Variants in NECTIN3 observed in about 807,000 individuals in gnomAD.
NECTIN3 encodes the protein nectin cell adhesion molecule 3.
In NECTIN3, 8 loss-of-function variants were observed where a neutral mutation model predicts 49.4. That is an observed-to-expected ratio of 0.16 (90% CI 0.10 to 0.29). The LOEUF is 0.29. NECTIN3 is among the 10% of genes least tolerant of loss of function. NECTIN3 has a pLI of 1.00. For missense variants in NECTIN3, 581 were observed against 654.6 expected, an observed-to-expected ratio of 0.89 and a Z score of 1.23; for synonymous variants, 277 against 241.1, an observed-to-expected ratio of 1.15 and a Z score of -1.38.
chr3:111,175,785 G>T (rs752568920), intron 7 of NECTIN3, among the ~76,000 whole-genome samples: 38 of 152,156 alleles, frequency 2.5e-4, no homozygotes, highest in Non-Finnish European at 4.4e-4. Context: ...TCCCAAGGAG[G>T]TCTCCATAAG....
At chr3:111,077,934 TGAA>T (rs2031332567) in intron 1 of NECTIN3, among the ~76,000 whole-genome samples, 1 of 152,170 alleles carries the variant, frequency 6.6e-6, no homozygotes, top group African/African-American at 2.4e-5. Context: ...ATTTAAAAAG[TGAA>T]GAAGAAATAG....
chr3:111,091,144 G>A (rs1390870044), intron 1 of NECTIN3, among the ~76,000 whole-genome samples: 1 of 151,946 alleles, frequency 6.6e-6, no homozygotes, highest in East Asian at 1.9e-4. Context: ...TTACCTCACT[G>A]CTCCTAACAC....
intron 1 of NECTIN3, chr3:111,072,827 C>A: frequency 2.5e-6 from 1 of 404,624 alleles, no homozygotes; most frequent in African/African-American, 2.1e-5. Context: ...TACCAAACCG[C>A]AGGAACAAGA....
chr3:111,118,349 C>A (rs1357563816), intron 2 of NECTIN3, among the ~76,000 whole-genome samples: 1 of 144,394 alleles, frequency 6.9e-6, no homozygotes, highest in East Asian at 2.0e-4. Context: ...GAATTGTGAT[C>A]TCGTTCACAG....
intron 7 of NECTIN3, among the ~76,000 whole-genome samples, chr3:111,183,343 T>C (rs2107533732): frequency 6.6e-6 from 1 of 151,910 alleles, no homozygotes; most frequent in East Asian, 1.9e-4. Context: ...CAAAGTTTCA[T>C]TCTTGTTGCC....
chr3:111,075,830 G>A (rs543042813), intron 1 of NECTIN3, among the ~76,000 whole-genome samples: 2 of 152,114 alleles, frequency 1.3e-5, no homozygotes, highest in East Asian at 3.9e-4. Context: ...TTTAAGATTT[G>A]GCAGTTCCAT....
At chr3:111,120,426 A>G (rs902024317) in intron 3 of NECTIN3, among the ~76,000 whole-genome samples, 27 of 152,292 alleles carry the variant, frequency 1.8e-4, no homozygotes, top group African/African-American at 5.3e-4. Flanking sequence ...TTATAGCACA[A>G]ATTTATACCT....
At chr3:111,094,170 G>T in intron 1 of NECTIN3, among the ~76,000 whole-genome samples, 1 of 151,070 alleles carries the variant, frequency 6.6e-6, no homozygotes, top group East Asian at 1.9e-4. Flanking sequence ...TTCATACAAG[G>T]AAGGAAAAGA....
intron 7 of NECTIN3, among the ~76,000 whole-genome samples, chr3:111,164,277 T>G (rs1415245996): frequency 1.3e-5 from 2 of 152,174 alleles, no homozygotes; most frequent in African/African-American, 4.8e-5. Context: ...TTTACTCAAA[T>G]ATAATTATAT....
chr3:111,086,369 C>A (rs1050432014), intron 1 of NECTIN3, among the ~76,000 whole-genome samples: 59 of 151,980 alleles, frequency 3.9e-4, no homozygotes, highest in Non-Finnish European at 6.0e-4. Context: ...TCTAGTACAC[C>A]ATCATGAAAT....
intron 5 of NECTIN3, among the ~76,000 whole-genome samples, chr3:111,142,798 GAAA>G (rs569551743): frequency 6.6e-6 from 1 of 150,592 alleles, no homozygotes; most frequent in East Asian, 1.9e-4. Flanking sequence ...AAGTATTTTT[GAAA>G]AAAAACCTTT....
At chr3:111,161,808 A>G (rs536426002) in intron 7 of NECTIN3, among the ~76,000 whole-genome samples, 3 of 152,204 alleles carry the variant, frequency 2.0e-5, no homozygotes, top group South Asian at 2.1e-4. Context: ...CAGATCTTAC[A>G]TAAGAGAAAT....
rs1559789405 is a variant in NECTIN3 at position 111,118,284 on chromosome 3, T to TATATATATATATATA, written c.503-369_503-368insTATATATATATAATA. Among the ~76,000 whole-genome samples, 18 of 49,534 alleles carry TATATATATATATATA rather than the reference T, an allele frequency of 3.6e-4. 1 individual carries two copies. Among genetic ancestry groups the TATATATATATATATA allele is most frequent in the African/African-American group, 8.7e-4 (17 of 19,508 alleles). The allele number at this position is 49,534 out of a possible 152,430, so 32.5% of individuals were successfully genotyped here. ...TATATATATATATATATATATATAT[T>TATATATATATATATA]ATACATATATAAAACTTATCTTCCA... is the stretch of plus-strand genomic sequence containing the variant. On this transcript the variant is annotated intron_variant, in intron 2 of 5. Coordinates refer to ENST00000485303, the MANE Select transcript of NECTIN3 (RefSeq NM_015480.3).
chr3:111,168,171 A>G (rs772627516), intron 7 of NECTIN3, among the ~76,000 whole-genome samples: 5 of 151,606 alleles, frequency 3.3e-5, no homozygotes, highest in Non-Finnish European at 5.9e-5. Context: ...AGATAAGGGG[A>G]AAAAATAACA....
intron 7 of NECTIN3, among the ~76,000 whole-genome samples, chr3:111,178,109 A>T (rs2035563795): frequency 6.6e-6 from 1 of 152,224 alleles, no homozygotes; most frequent in Non-Finnish European, 1.5e-5. Context: ...AATGAAATTT[A>T]TTTACCAGTG....
intron 5 of NECTIN3, among the ~76,000 whole-genome samples, chr3:111,142,856 C>T (rs1344534880): frequency 6.6e-6 from 1 of 151,826 alleles, no homozygotes; most frequent in East Asian, 1.9e-4. Context: ...AATTTAAATT[C>T]TGTACAGTTG....
At chr3:111,088,589 T>C (rs537983999) in intron 1 of NECTIN3, among the ~76,000 whole-genome samples, 91 of 152,180 alleles carry the variant, frequency 6.0e-4, no homozygotes, top group Middle Eastern at 3.2e-3. Flanking sequence ...AAATTACATT[T>C]CTATGGGCCC....
downstream of NECTIN3, among the ~76,000 whole-genome samples, chr3:111,137,848 C>A (rs903828047): frequency 1.5e-5 from 2 of 137,066 alleles, no homozygotes; most frequent in Non-Finnish European, 3.1e-5. Context: ...AGGTTTGTTA[C>A]ACAGGTAATG....
intron 1 of NECTIN3, among the ~76,000 whole-genome samples, chr3:111,089,336 A>G (rs1030318852): frequency 4.0e-5 from 6 of 150,766 alleles, no homozygotes; most frequent in African/African-American, 1.5e-4. Context: ...TTATTTGGAG[A>G]GGGGCTTATT....
Sources: gnomAD v4.1 joint callset for allele counts (sites outside exome capture counted in the v4.1 genomes callset) on GRCh38, gnomAD v4.1.1 for gene constraint, MANE v1.5 for transcripts, NCBI Gene and HGNC (gene_info 2026-07-23, HGNC 2026-07-21) for gene names.